The following PTPN13 variants were observed in gnomAD, a reference collection of about 807,000 sequenced individuals.
The protein encoded by PTPN13 is tyrosine-protein phosphatase non-receptor type 13.
Under a neutral mutation model 284.0 loss-of-function variants are expected in PTPN13, and 191 were observed. That is an observed-to-expected ratio of 0.67 (90% CI 0.60 to 0.76). PTPN13 has a LOEUF of 0.76. PTPN13 is among the 30% of genes least tolerant of loss of function. PTPN13 has a pLI of 0.00. For missense variants in PTPN13, 2,797 were observed against 2,939.9 expected, an observed-to-expected ratio of 0.95 and a Z score of 1.12; for synonymous variants, 986 against 1,022.3, an observed-to-expected ratio of 0.96 and a Z score of 0.68.
At chr4:86,683,020 A>C (rs1477095526) in intron 3 of PTPN13, among the ~76,000 whole-genome samples, 1 of 152,124 alleles carries the variant, frequency 6.6e-6, no homozygotes, top group Non-Finnish European at 1.5e-5. Context: ...AAAGTGTGGA[A>C]CCCATATAAA....
chr4:86,715,520 A>T (rs1732920432), intron 7 of PTPN13, among the ~76,000 whole-genome samples: 1 of 152,180 alleles, frequency 6.6e-6, no homozygotes, highest in Non-Finnish European at 1.5e-5. Context: ...TGAACCCAGG[A>T]GTCCAGCACT....
At chr4:86,693,445 A>C in intron 5 of PTPN13, 142 bp from the exon 6 acceptor site, 1 of 483,832 alleles carries the variant, frequency 2.1e-6, no homozygotes, top group South Asian at 5.0e-5. Flanking sequence ...ATTACCCTAC[A>C]AATACAATAG....
In PTPN13 at chr4:86,689,205, C is replaced by A; in HGVS notation, c.546+15C>A. 1 of 1,598,470 alleles carries A rather than the reference C, an allele frequency of 6.3e-7. No homozygotes were observed. Among genetic ancestry groups the A allele is most frequent in the Non-Finnish European group, 8.6e-7 (1 of 1,166,834 alleles). On this transcript the variant is annotated intron_variant, in intron 5 of 47. Transcript: ENST00000411767. ...ATCTTTCTGGGGTAAGCTACAGTTACAATAGTAAATATAGTCATATTTTAA... is the reference window on the plus strand; with the variant it reads ...ATCTTTCTGGGGTAAGCTACAGTTAAAATAGTAAATATAGTCATATTTTAA...
intron 30 of PTPN13, among the ~76,000 whole-genome samples, chr4:86,770,510 A>C (rs948291671): frequency 3.3e-5 from 5 of 152,238 alleles, no homozygotes; most frequent in African/African-American, 1.2e-4. Flanking sequence ...TCTGCAAAAC[A>C]ATGGTTAAAA....
At chr4:86,654,869 G>T (rs931304316) in intron 2 of PTPN13, among the ~76,000 whole-genome samples, 1 of 152,080 alleles carries the variant, frequency 6.6e-6, no homozygotes, top group African/African-American at 2.4e-5. Flanking sequence ...TTATTGTGTG[G>T]GAGTCTAAGT....
chr4:86,771,580 T>A, intron 31 of PTPN13, 45 bp downstream of exon 31: 1 of 1,487,672 alleles, frequency 6.7e-7, no homozygotes, highest in South Asian at 1.3e-5. Flanking sequence ...CTGGTTGTTG[T>A]TAGTAGCAGT....
intron 35 of PTPN13, among the ~76,000 whole-genome samples, chr4:86,779,492 A>G (rs1462701679): frequency 1.3e-5 from 2 of 152,126 alleles, no homozygotes; most frequent in East Asian, 3.8e-4. Context: ...TAGGAGAGGA[A>G]TGCTATGAGA....
chr4:86,780,446 C>G lies in PTPN13; in HGVS notation c.5936C>G (p.Ser1979Ter). ...CCCAGCTCAAAGAGGTCTGCTGTTT[C>G]AGCTCCAAAGTCAACCAAAGGCAAT... Reference protein sequence around the residue: ...VVPSSKRSAVSAPKSTKGNGS... With the variant: ...VVPSSKRSAV Residue 1979 changes from serine to a stop codon, truncating the protein, a stop_gained, in exon 36 of 48, where the codon TCA becomes TGA. Transcript: ENST00000411767. LOFTEE classifies it high-confidence loss of function. 1 of 1,610,658 alleles carries G rather than the reference C, an allele frequency of 6.2e-7. No homozygotes were observed. Among genetic ancestry groups the G allele is most frequent in the South Asian group, 1.1e-5 (1 of 90,320 alleles).
intron 7 of PTPN13, among the ~76,000 whole-genome samples, chr4:86,714,178 T>C (rs2149059777): frequency 6.6e-6 from 1 of 152,276 alleles, no homozygotes; most frequent in South Asian, 2.1e-4. Flanking sequence ...ATGTACTTTT[T>C]GCTGACTTTT....
At chr4:86,787,367 C>T (rs1361458742) in intron 40 of PTPN13, among the ~76,000 whole-genome samples, 3 of 151,858 alleles carry the variant, frequency 2.0e-5, no homozygotes, top group East Asian at 1.9e-4. Context: ...CCAAGGTAGG[C>T]GGATCACCTG....
At chr4:86,647,480 T>C (rs1724575516) in intron 2 of PTPN13, among the ~76,000 whole-genome samples, 1 of 151,622 alleles carries the variant, frequency 6.6e-6, no homozygotes, top group Admixed American at 6.5e-5. Flanking sequence ...CTAATAAGTA[T>C]ATTTAAATTA....
chr4:86,775,752 TTC>T, intron 35 of PTPN13, 100 bp downstream of exon 35: 13 of 970,868 alleles, frequency 1.3e-5, no homozygotes, highest in Non-Finnish European at 2.0e-5. Flanking sequence ...GAATTAGTAA[TTC>T]ATAGACTAAA....
intron 25 of PTPN13, 73 bp downstream of exon 25, chr4:86,764,797 A>C (rs1739103611): frequency 6.7e-6 from 10 of 1,491,584 alleles, no homozygotes; most frequent in Admixed American, 2.7e-5. Context: ...TCAACTTTTT[A>C]ATTGAATTAT....
intron 23 of PTPN13, among the ~76,000 whole-genome samples, chr4:86,759,921 C>T (rs1738468450): frequency 6.6e-6 from 1 of 151,936 alleles, no homozygotes; most frequent in African/African-American, 2.4e-5. Context: ...AAGTAAGTTA[C>T]CTTCATGCCA....
intron 1 of PTPN13, among the ~76,000 whole-genome samples, chr4:86,625,256 G>C (rs1447475505): frequency 6.6e-6 from 1 of 152,026 alleles, no homozygotes; most frequent in Non-Finnish European, 1.5e-5. Flanking sequence ...TCTCTGGATA[G>C]TCTACAGAAT....
At chr4:86,779,952 T>C (rs1008333400) in intron 35 of PTPN13, among the ~76,000 whole-genome samples, 10 of 152,226 alleles carry the variant, frequency 6.6e-5, no homozygotes, top group Admixed American at 5.9e-4. Flanking sequence ...TTCTAAGTTA[T>C]CTTTAAACTA....
chr4:86,613,486 T>C (rs1466376601), intron 1 of PTPN13, among the ~76,000 whole-genome samples: 1 of 151,966 alleles, frequency 6.6e-6, no homozygotes, highest in Non-Finnish European at 1.5e-5. Flanking sequence ...TACGAAAAGT[T>C]AGCCGGGCGT....
At chr4:86,684,096 A>C (rs1379622160) in intron 3 of PTPN13, among the ~76,000 whole-genome samples, 1 of 149,154 alleles carries the variant, frequency 6.7e-6, no homozygotes, top group Admixed American at 6.7e-5. Context: ...ATACTAAGAT[A>C]TGTTAAAAAA....
chr4:86,768,709 C>CT (rs774501203), intron 28 of PTPN13, among the ~76,000 whole-genome samples: 3,795 of 130,390 alleles, frequency 0.029, 184 homozygotes, highest in African/African-American at 0.091. Flanking sequence ...TTTCTTCCAT[C>CT]TTTTTTTTTT....
Sources: allele counts gnomAD v4.1 joint callset (sites outside exome capture counted in the v4.1 genomes callset), GRCh38; gene constraint gnomAD v4.1.1; transcripts MANE v1.5; gene names NCBI Gene and HGNC (gene_info 2026-07-23, HGNC 2026-07-21).